The following ZNF143 variants were observed in gnomAD, a reference collection of about 807,000 sequenced individuals.
The protein encoded by ZNF143 is SPH-binding factor.
ZNF143 carries 49 observed loss-of-function variants against 74.1 expected under a neutral mutation model. That is an observed-to-expected ratio of 0.66 (90% confidence interval 0.53 to 0.84). The LOEUF (loss-of-function observed/expected upper bound fraction) is 0.84, where lower values mean the gene tolerates loss of function less well. Ranked by LOEUF, ZNF143 falls within the 40% of genes least tolerant of loss-of-function variation. ZNF143 has a pLI of 0.00. For synonymous variants in ZNF143, 304 were observed against 282.8 expected, an observed-to-expected ratio of 1.07 and a Z score of -0.75; for missense variants, 637 against 793.4, an observed-to-expected ratio of 0.80 and a Z score of 2.37.
At chr11:9,514,428 C>T (rs779110974) in intron 13 of ZNF143, among the ~76,000 whole-genome samples, 8 of 152,178 alleles carry the variant, frequency 5.3e-5, no homozygotes, top group Non-Finnish European at 1.2e-4. Context: ...CCATGCCAGA[C>T]ATTTTGGTCA....
chr11:9,511,355 G>GGC (rs1486622656), intron 12 of ZNF143, among the ~76,000 whole-genome samples: 3 of 151,800 alleles, frequency 2.0e-5, no homozygotes, highest in East Asian at 1.9e-4. Flanking sequence ...GGAGTGCAGT[G>GGC]GTGCAATCTC....
intron 5 of ZNF143, among the ~76,000 whole-genome samples, chr11:9,475,068 G>A (rs1002650883): frequency 6.6e-6 from 1 of 151,522 alleles, no homozygotes; most frequent in Non-Finnish European, 1.5e-5. Flanking sequence ...TTCATTTTTT[G>A]TAGAGACAGG....
chr11:9,522,272 G>A (rs562202259), intron 14 of ZNF143, among the ~76,000 whole-genome samples: 4 of 152,280 alleles, frequency 2.6e-5, no homozygotes, highest in South Asian at 4.1e-4. Context: ...GGGAGGCTGA[G>A]GCAAGTGTTC....
At chr11:9,476,823 G>T (rs12284187) in intron 5 of ZNF143, among the ~76,000 whole-genome samples, 6,909 of 115,464 alleles carry the variant, frequency 0.06, 236 homozygotes, top group South Asian at 0.09. Flanking sequence ...GCAGTGGTGC[G>T]ATCTCGGCTC....
intron 13 of ZNF143, among the ~76,000 whole-genome samples, chr11:9,513,667 G>A (rs1479960164): frequency 2.0e-5 from 3 of 152,200 alleles, no homozygotes; most frequent in African/African-American, 4.8e-5. Flanking sequence ...AGGCCAGAGC[G>A]GGTGGATCAC....
rs1856374938 is a variant in ZNF143, at chr11:9,468,444, T to A, written c.-7-2858T>A. On this transcript the variant is annotated intron_variant, in intron 1 of 15. Coordinates refer to ENST00000396602, the MANE Select transcript of ZNF143 (RefSeq NM_003442.6). Reference sequence around the variant, plus strand: ...TCTACCTACCTGCCAGTCAGTTTCATATATTCAGTTTTTGAATAGTCCTGG... The same window carrying A: ...TCTACCTACCTGCCAGTCAGTTTCAAATATTCAGTTTTTGAATAGTCCTGG... Among the ~76,000 whole-genome samples, 2 of 152,190 alleles carry A rather than the reference T, an allele frequency of 1.3e-5. 1 individual carries two copies. The highest frequency in any genetic ancestry group is 4.1e-4 in the South Asian group (2 of 4,836).
intron 11 of ZNF143, among the ~76,000 whole-genome samples, chr11:9,502,322 T>C (rs1848196378): frequency 7.4e-6 from 1 of 134,416 alleles, no homozygotes. Context: ...CTATTTAAAG[T>C]GTATGGGCCG....
intron 15 of ZNF143, among the ~76,000 whole-genome samples, chr11:9,526,717 T>C (rs1422304165): frequency 1.3e-5 from 2 of 151,848 alleles, no homozygotes; most frequent in East Asian, 2.0e-4. Flanking sequence ...GCTACGATTA[T>C]AGTCATGAGC....
intron 2 of ZNF143, 88 bp from the exon 3 acceptor site, chr11:9,472,589 C>CT (rs1856645070): frequency 8.4e-7 from 1 of 1,197,304 alleles, no homozygotes. Context: ...AGCAGTTTAC[C>CT]TTTTTTCTGA....
intron 1 of ZNF143, among the ~76,000 whole-genome samples, chr11:9,464,190 G>A (rs569072971): frequency 2.0e-5 from 3 of 152,026 alleles, no homozygotes; most frequent in African/African-American, 7.2e-5. Flanking sequence ...GGAGTGCAGT[G>A]GCATGATCTC....
chr11:9,512,967 G>A (rs1325513838), intron 13 of ZNF143, among the ~76,000 whole-genome samples: 3 of 152,128 alleles, frequency 2.0e-5, no homozygotes, highest in African/African-American at 7.2e-5. Context: ...TGGCTGAGGT[G>A]ATCAGCATAT....
chr11:9,492,324 C>T (rs552051962), intron 7 of ZNF143, among the ~76,000 whole-genome samples: 3 of 152,066 alleles, frequency 2.0e-5, no homozygotes, highest in East Asian at 3.9e-4. Context: ...GTTGGCAAGA[C>T]GGGTCTCGAA....
At chr11:9,483,744 G>T (rs911791782) in intron 7 of ZNF143, among the ~76,000 whole-genome samples, 1 of 149,256 alleles carries the variant, frequency 6.7e-6, no homozygotes, top group African/African-American at 2.5e-5. Context: ...TTGCCCGGCC[G>T]GAATTCTTTT....
chr11:9,462,367 T>C (rs1389871402), intron 1 of ZNF143, among the ~76,000 whole-genome samples: 2 of 151,998 alleles, frequency 1.3e-5, no homozygotes, highest in Non-Finnish European at 2.9e-5. Flanking sequence ...TAATTAGGCC[T>C]GGGCAGCATA....
chr11:9,464,586 A>G (rs1361040485), intron 1 of ZNF143, among the ~76,000 whole-genome samples: 3 of 149,234 alleles, frequency 2.0e-5, no homozygotes, highest in African/African-American at 7.4e-5. Flanking sequence ...GGGGGACAGA[A>G]CAAGACCCTG....
intron 14 of ZNF143, among the ~76,000 whole-genome samples, chr11:9,522,204 T>C (rs1848956488): frequency 6.6e-6 from 1 of 150,482 alleles, no homozygotes; most frequent in Non-Finnish European, 1.5e-5. Context: ...ACAAAAAAAG[T>C]AAATGGAAGG....
intron 1 of ZNF143, among the ~76,000 whole-genome samples, chr11:9,466,051 C>G (rs957739318): frequency 6.6e-6 from 1 of 151,386 alleles, no homozygotes; most frequent in South Asian, 2.1e-4. Flanking sequence ...GGCTAGATCT[C>G]GGCTCACTGC....
At position 9,483,288 on chromosome 11, in the gene ZNF143, CTTTTTTTTTT is replaced by C. The variant is rs58704619; in HGVS notation, c.645+3759_645+3768del. ...GGATTACAGGTGTGAGCCAACATGC[CTTTTTTTTTT>C]TTTTTTTTTTTTTTTTGGAGACGGC... On this transcript the variant is annotated intron_variant, in intron 7 of 15. Coordinates refer to ENST00000396602, the MANE Select transcript of ZNF143 (RefSeq NM_003442.6). Among the ~76,000 whole-genome samples the C allele has an allele frequency of 3.0e-4, 15 of 50,200 alleles. 1 individual carries two copies. The highest frequency in any genetic ancestry group is 8.8e-4 in the African/African-American group (10 of 11,300). The allele number at this position is 50,200 out of a possible 152,430, so 32.9% of individuals were successfully genotyped here.
intron 14 of ZNF143, among the ~76,000 whole-genome samples, chr11:9,519,998 C>A (rs1284077420): frequency 6.9e-6 from 1 of 145,224 alleles, no homozygotes; most frequent in African/African-American, 2.6e-5. Flanking sequence ...CCAACCTGGG[C>A]AATGTAGCAA....
Sources: allele counts gnomAD v4.1 joint callset (sites outside exome capture counted in the v4.1 genomes callset), GRCh38; gene constraint gnomAD v4.1.1; transcripts MANE v1.5; gene names NCBI Gene and HGNC (gene_info 2026-07-23, HGNC 2026-07-21).